Variants in CPXM2 observed in about 807,000 individuals in gnomAD.
CPXM2 encodes the protein inactive carboxypeptidase-like protein X2.
A neutral mutation model predicts 86.1 loss-of-function variants in CPXM2; 66 were observed. That is an observed-to-expected ratio of 0.77 (90% CI 0.63 to 0.94). The LOEUF (loss-of-function observed/expected upper bound fraction) is 0.94. Among genes scored for constraint, CPXM2 ranks in the 40% least tolerant of loss-of-function variants. The probability of loss-of-function intolerance (pLI) is 0.00; values close to 1 mark genes in which losing one functional copy is unlikely to be tolerated. For missense variants in CPXM2, 948 were observed against 1,026.3 expected (o/e 0.92, Z 1.04); for synonymous variants, 388 against 400.2 (o/e 0.97, Z 0.36).
intron 2 of CPXM2, among the ~76,000 whole-genome samples, chr10:123,937,520 C>CACACAT (rs939186533): frequency 6.9e-6 from 1 of 144,084 alleles, no homozygotes; most frequent in African/African-American, 2.6e-5. Context: ...CACACACACA[C>CACACAT]TAGAATTCTG....
At chr10:123,847,821 T>C (rs2134165406) in intron 3 of CPXM2, among the ~76,000 whole-genome samples, 1 of 152,348 alleles carries the variant, frequency 6.6e-6, no homozygotes, top group Admixed American at 6.5e-5. Flanking sequence ...CAAAGGGCTT[T>C]GATTTCTGAG....
At chr10:123,880,146 AC>A in intron 2 of CPXM2, 64 bp downstream of exon 2, 2 of 240,410 alleles carry the variant, frequency 8.3e-6, no homozygotes, top group East Asian at 1.1e-4. Context: ...AGGGGCCTGT[AC>A]CCACCCACCC....
chr10:123,816,977 G>A lies in CPXM2; in HGVS notation c.654-17778C>T, dbSNP rs191664161. ...AGGGAATAAATTCGACTAAAATTCA[G>A]GGAACTTCTACCTCAGAAAAATTTC... On this transcript the variant is annotated intron_variant, in intron 4 of 13. Coordinates refer to ENST00000241305, the MANE Select transcript of CPXM2 (RefSeq NM_198148.3). 1.3e-4 allele frequency among the ~76,000 whole-genome samples: 19 copies of A among 146,474 alleles called. 1 individual carries two copies. The highest frequency in any genetic ancestry group is 3.9e-4 in the African/African-American group (16 of 40,698).
chr10:123,908,229 G>A (rs1945460141), intron 2 of CPXM2, among the ~76,000 whole-genome samples: 1 of 152,038 alleles, frequency 6.6e-6, no homozygotes, highest in Admixed American at 6.5e-5. Flanking sequence ...CCGCAGGTGG[G>A]AAGGAGAGAG....
At chr10:123,752,736 A>G (rs995357012) in intron 13 of CPXM2, 2 of 376,128 alleles carry the variant, frequency 5.3e-6, no homozygotes, top group Admixed American at 1.3e-4. Context: ...GCTTGGCTCA[A>G]ATCATAGCTC....
chr10:123,746,382 T>G lies in CPXM2; in HGVS notation c.*382A>C, dbSNP rs79549040. On this transcript the variant is annotated 3_prime_UTR_variant, in exon 14 of 14. Coordinates refer to ENST00000241305, the MANE Select transcript of CPXM2 (RefSeq NM_198148.3). The stretch of plus-strand genomic sequence containing the variant: ...ATGCTGCAATTTTAGCTGTGCAAAT[T>G]GCAAATGCACGTGGAACCCTTGCTG... 6.6e-3 allele frequency: 1,496 copies of G among 226,192 alleles called. 28 individuals are homozygous for G. The highest frequency in any genetic ancestry group is 0.033 in the African/African-American group (1,422 of 43,646). The allele number at this position is 226,192 out of a possible 1,614,324, so 14.0% of individuals were successfully genotyped here.
upstream of CPXM2, among the ~76,000 whole-genome samples, chr10:123,892,594 T>A (rs1031021871): frequency 6.6e-6 from 1 of 152,190 alleles, no homozygotes; most frequent in Non-Finnish European, 1.5e-5. Flanking sequence ...CTTGCTGCTG[T>A]AACAAACGAT....
At chr10:123,870,584 C>T (rs752845647) in intron 2 of CPXM2, among the ~76,000 whole-genome samples, 7 of 152,222 alleles carry the variant, frequency 4.6e-5, no homozygotes, top group Non-Finnish European at 7.3e-5. Context: ...TCTGCAGTAG[C>T]TCTCTGCCTT....
At chr10:123,882,714 C>T (rs980186923) in intron 1 of CPXM2, among the ~76,000 whole-genome samples, 1 of 152,072 alleles carries the variant, frequency 6.6e-6, no homozygotes, top group Non-Finnish European at 1.5e-5. Flanking sequence ...GGCGGTCCCC[C>T]AGCACTATGG....
chr10:123,921,776 T>TA (rs1291670819), intron 2 of CPXM2, among the ~76,000 whole-genome samples: 1 of 152,094 alleles, frequency 6.6e-6, no homozygotes, highest in Non-Finnish European at 1.5e-5. Flanking sequence ...TTTAGGGAGG[T>TA]AAAAAGAATC....
chr10:123,929,452 G>C (rs1257729017), intron 2 of CPXM2, among the ~76,000 whole-genome samples: 1 of 152,198 alleles, frequency 6.6e-6, no homozygotes, highest in Non-Finnish European at 1.5e-5. Flanking sequence ...TGAAATTGCA[G>C]AACAGCAACT....
chr10:123,749,053 T>C (rs981649939), intron 13 of CPXM2, among the ~76,000 whole-genome samples: 1 of 152,184 alleles, frequency 6.6e-6, no homozygotes, highest in African/African-American at 2.4e-5. Context: ...TTTATCTGAA[T>C]GGGCTGGAGA....
intron 2 of CPXM2, among the ~76,000 whole-genome samples, chr10:123,930,056 C>T (rs1433273358): frequency 6.6e-6 from 1 of 152,184 alleles, no homozygotes; most frequent in Non-Finnish European, 1.5e-5. Context: ...AACCTGGCTC[C>T]CCTCCACCCC....
At chr10:123,903,525 TG>T (rs1945403667) in intron 2 of CPXM2, among the ~76,000 whole-genome samples, 1 of 152,236 alleles carries the variant, frequency 6.6e-6, no homozygotes, top group Non-Finnish European at 1.5e-5. Flanking sequence ...AGCTGAGATC[TG>T]GGGTACCCAC....
At chr10:123,764,749 TAC>T (rs1846429369) in intron 10 of CPXM2, among the ~76,000 whole-genome samples, 2 of 152,032 alleles carry the variant, frequency 1.3e-5, no homozygotes, top group South Asian at 4.2e-4. Context: ...AGCCTCCCAA[TAC>T]CCTTGTTTTT....
chr10:123,923,852 C>T (rs1311837383), intron 2 of CPXM2, among the ~76,000 whole-genome samples: 1 of 152,192 alleles, frequency 6.6e-6, no homozygotes, highest in Non-Finnish European at 1.5e-5. Context: ...TTGTCTGCCT[C>T]CATGTGAGAC....
chr10:123,767,390 C>G (rs1846504096), intron 9 of CPXM2, among the ~76,000 whole-genome samples: 1 of 152,212 alleles, frequency 6.6e-6, no homozygotes, highest in South Asian at 2.1e-4. Context: ...ACCACCCCTG[C>G]CACATGGAAG....
intron 4 of CPXM2, among the ~76,000 whole-genome samples, chr10:123,801,293 C>G (rs1431879960): frequency 6.6e-6 from 1 of 152,212 alleles, no homozygotes; most frequent in Non-Finnish European, 1.5e-5. Flanking sequence ...TTGCCTGCCG[C>G]CAGGTGAGAC....
Position 123,757,292 on chromosome 10 carries a change from C to T in CPXM2, c.1838G>A (p.Cys613Tyr), listed in dbSNP as rs755816823. The T allele has an allele frequency of 2.5e-6, 4 of 1,613,548 alleles. No individual in the cohort carries two copies. Among genetic ancestry groups the T allele is most frequent in the Non-Finnish European group, 2.5e-6 (3 of 1,179,460 alleles). ...CTGGCTCTCATGTGGGTATTTATCA[C>T]AGCCCACGTAGATGGACAGTTCGAA... is the stretch of plus-strand genomic sequence containing the variant. ...NCFELSIYVG[C>Y]DKYPHESQLP... Residue 613 changes from cysteine to tyrosine, a missense_variant, in exon 12 of 14, where the codon TGT (cysteine) becomes TAT (tyrosine). Cys to Tyr is a radical substitution (Grantham distance 194). Transcript: ENST00000241305.
Sources: gnomAD v4.1 joint callset for allele counts (sites outside exome capture counted in the v4.1 genomes callset) on GRCh38, gnomAD v4.1.1 for gene constraint, MANE v1.5 for transcripts, NCBI Gene and HGNC (gene_info 2026-07-23, HGNC 2026-07-21) for gene names.